The following SPON1 variants were observed in gnomAD, a reference collection of about 807,000 sequenced individuals.
The protein encoded by SPON1 is spondin 1.
Under a neutral mutation model 111.7 loss-of-function variants are expected in SPON1, and 52 were observed. The observed-to-expected ratio is 0.47, with a 90% CI of 0.37 to 0.59. The LOEUF (loss-of-function observed/expected upper bound fraction) is 0.59, where lower values mean the gene tolerates loss of function less well. Ranked by LOEUF, SPON1 falls within the 20% of genes least tolerant of loss-of-function variation. The pLI is 0.00. For missense variants in SPON1, 957 were observed against 1,068.5 expected, an observed-to-expected ratio of 0.90 and a Z score of 1.46; for synonymous variants, 410 against 395.8, an observed-to-expected ratio of 1.04 and a Z score of -0.43.
At chr11:14,021,266 G>A (rs1231049360) in intron 2 of SPON1, among the ~76,000 whole-genome samples, 5 of 152,038 alleles carry the variant, frequency 3.3e-5, no homozygotes, top group Non-Finnish European at 7.4e-5. Flanking sequence ...CATATTACAA[G>A]CAGATGATAA....
At chr11:14,062,457 C>G (rs782572313) in intron 3 of SPON1, among the ~76,000 whole-genome samples, 1 of 152,174 alleles carries the variant, frequency 6.6e-6, no homozygotes, top group Admixed American at 6.6e-5. Context: ...CTACTGACAA[C>G]CAGTACAATA....
chr11:14,057,948 T>C (rs1335399964), intron 3 of SPON1, among the ~76,000 whole-genome samples: 5 of 151,824 alleles, frequency 3.3e-5, no homozygotes, highest in African/African-American at 4.8e-5. Context: ...GCCAGGAAGA[T>C]AGAGGCTGCA....
At chr11:14,051,415 A>G (rs1364664180) in intron 3 of SPON1, among the ~76,000 whole-genome samples, 2 of 152,108 alleles carry the variant, frequency 1.3e-5, no homozygotes, top group Non-Finnish European at 2.9e-5. Flanking sequence ...GAGAGCCTAT[A>G]GTCCCAGCTA....
intron 6 of SPON1, among the ~76,000 whole-genome samples, chr11:14,235,678 CAAAAAAAAAAAAAAAAA>C (rs56925967): frequency 1.4e-5 from 1 of 71,384 alleles, no homozygotes; most frequent in African/African-American, 5.6e-5. Context: ...GACCCTGCCT[CAAAAAAAAAAAAAAAAA>C]AAAAAAAAAA....
intron 3 of SPON1, among the ~76,000 whole-genome samples, chr11:14,059,678 C>A (rs1218317855): frequency 1.3e-5 from 2 of 152,160 alleles, no homozygotes; most frequent in Admixed American, 1.3e-4. Context: ...GGAACAAAGC[C>A]AGGAAGTGAC....
chr11:14,202,576 T>C (rs1554935749), intron 6 of SPON1, among the ~76,000 whole-genome samples: 1 of 152,228 alleles, frequency 6.6e-6, no homozygotes, highest in Non-Finnish European at 1.5e-5. Flanking sequence ...TCCAGGACTC[T>C]GTTTTCCAAG....
chr11:14,041,797 A>G (rs547697835), intron 3 of SPON1, 143 bp downstream of exon 3: 14 of 838,034 alleles, frequency 1.7e-5, no homozygotes, highest in South Asian at 3.7e-5. Flanking sequence ...CAATAGCACC[A>G]TAGACTATCA....
At chr11:14,227,511 T>C (rs886676394) in intron 6 of SPON1, among the ~76,000 whole-genome samples, 2 of 152,174 alleles carry the variant, frequency 1.3e-5, no homozygotes, top group African/African-American at 2.4e-5. Flanking sequence ...AAACCCCTCC[T>C]CCTGCTCTCT....
chr11:13,986,084 T>TA (rs1848180266), intron 2 of SPON1, among the ~76,000 whole-genome samples: 4 of 152,346 alleles, frequency 2.6e-5, no homozygotes, highest in African/African-American at 9.6e-5. Context: ...TGCTGGGTGC[T>TA]AGGCACTGAG....
chr11:14,262,596 C>A, intron 14 of SPON1, 116 bp from the exon 15 acceptor site: 1 of 1,338,848 alleles, frequency 7.5e-7, no homozygotes, highest in Non-Finnish European at 1.0e-6. Flanking sequence ...TGTAAAATAG[C>A]ATGACACAGC....
chr11:14,164,147 T>C (rs10832223), intron 6 of SPON1, among the ~76,000 whole-genome samples: 29,619 of 152,162 alleles, frequency 0.19, 2,987 homozygotes, highest in Admixed American at 0.25. Flanking sequence ...CGTTAACCGT[T>C]AAAGGTGAAA....
intron 7 of SPON1, among the ~76,000 whole-genome samples, chr11:14,247,532 C>T (rs937939960): frequency 6.6e-6 from 1 of 152,302 alleles, no homozygotes; most frequent in South Asian, 2.1e-4. Flanking sequence ...GTGAGGGGGG[C>T]TACTTCAGAA....
chr11:14,092,799 C>T (rs1849070005), intron 5 of SPON1, among the ~76,000 whole-genome samples: 1 of 152,148 alleles, frequency 6.6e-6, no homozygotes, highest in Admixed American at 6.5e-5. Flanking sequence ...GTAAGTTTTA[C>T]TTCCTAATTT....
At chr11:14,229,266 AC>A (rs1848770165) in intron 6 of SPON1, among the ~76,000 whole-genome samples, 2 of 152,330 alleles carry the variant, frequency 1.3e-5, no homozygotes, top group South Asian at 4.1e-4. Context: ...ATACCTTTAT[AC>A]GAGTGAACAA....
intron 2 of SPON1, among the ~76,000 whole-genome samples, chr11:14,000,193 A>G (rs1413855293): frequency 6.6e-6 from 1 of 152,066 alleles, no homozygotes; most frequent in Non-Finnish European, 1.5e-5. Context: ...GCATGGATAT[A>G]TGCCTCAAAA....
At chr11:14,235,218 G>A (rs369506934) in intron 6 of SPON1, among the ~76,000 whole-genome samples, 4 of 152,168 alleles carry the variant, frequency 2.6e-5, no homozygotes, top group African/African-American at 4.8e-5. Context: ...ACTGGGCCTC[G>A]GAGGACACCA....
chr11:14,063,344 A>G (rs1848806141), intron 3 of SPON1, among the ~76,000 whole-genome samples: 1 of 152,178 alleles, frequency 6.6e-6, no homozygotes, highest in South Asian at 2.1e-4. Flanking sequence ...ATGGGATCAC[A>G]TTAATTTCTT....
intron 1 of SPON1, among the ~76,000 whole-genome samples, chr11:13,979,623 C>A (rs1392450753): frequency 3.9e-5 from 6 of 152,112 alleles, no homozygotes; most frequent in African/African-American, 1.4e-4. Flanking sequence ...TGTAAAGTGC[C>A]TCTAAGAATT....
At chr11:14,183,970 C>T (rs974664675) in intron 6 of SPON1, among the ~76,000 whole-genome samples, 41 of 152,210 alleles carry the variant, frequency 2.7e-4, no homozygotes, top group Admixed American at 2.6e-3. Context: ...AAGTGAAATG[C>T]TATACATATG....
Sources: allele counts gnomAD v4.1 joint callset (sites outside exome capture counted in the v4.1 genomes callset), GRCh38; gene constraint gnomAD v4.1.1; transcripts MANE v1.5; gene names NCBI Gene and HGNC (gene_info 2026-07-23, HGNC 2026-07-21).